Variants in GLMN observed in about 807,000 individuals in gnomAD.
GLMN encodes the protein glomulin.
GLMN carries 75 observed loss-of-function variants against 87.8 expected under a neutral mutation model. The observed-to-expected ratio is 0.85, with a 90% confidence interval of 0.71 to 1.04. The LOEUF (loss-of-function observed/expected upper bound fraction) is 1.04, where lower values mean the gene tolerates loss of function less well. GLMN is among the 50% of genes least tolerant of loss of function. The pLI is 0.00. For synonymous variants in GLMN, 206 were observed against 221.6 expected, an observed-to-expected ratio of 0.93 and a Z score of 0.63; for missense variants, 588 against 658.8, an observed-to-expected ratio of 0.89 and a Z score of 1.18.
chr1:92,300,322 C>G, upstream of GLMN: 1 of 1,095,344 alleles, frequency 9.1e-7, no homozygotes, highest in Non-Finnish European at 1.3e-6. Flanking sequence ...ATAATGGTTA[C>G]CTTTTTTTTT....
chr1:92,360,410 G>C, the GLMN span, among the ~76,000 whole-genome samples: 1 of 152,148 alleles, frequency 6.6e-6, no homozygotes, highest in Non-Finnish European at 1.5e-5. Flanking sequence ...AGCAAATGCC[G>C]ACTACTCTTT....
upstream of GLMN, chr1:92,299,226 C>A: frequency 3.4e-6 from 3 of 893,008 alleles, no homozygotes; most frequent in African/African-American, 1.7e-5. Flanking sequence ...AGCGCGCGGG[C>A]GCTCCTGAAA....
intron 9 of GLMN, among the ~76,000 whole-genome samples, chr1:92,269,206 T>C (rs1655978252): frequency 6.6e-6 from 1 of 151,870 alleles, no homozygotes; most frequent in African/African-American, 2.4e-5. Flanking sequence ...CTGGCTTTTT[T>C]TTTTTTTTTT....
At chr1:92,291,124 G>A (rs535217038) in intron 4 of GLMN, among the ~76,000 whole-genome samples, 6 of 152,266 alleles carry the variant, frequency 3.9e-5, no homozygotes, top group South Asian at 2.1e-4. Flanking sequence ...ACATCTATAC[G>A]ATAAGGCTAC....
chr1:92,269,303 G>A (rs1655987901), intron 9 of GLMN, among the ~76,000 whole-genome samples: 1 of 151,896 alleles, frequency 6.6e-6, no homozygotes, highest in Admixed American at 6.6e-5. Flanking sequence ...ATTATAAAAG[G>A]TGGAAGTCAA....
At chr1:92,250,519 C>T (rs953497711) in intron 16 of GLMN, among the ~76,000 whole-genome samples, 9 of 152,060 alleles carry the variant, frequency 5.9e-5, no homozygotes, top group East Asian at 1.9e-4. Flanking sequence ...CCCATTCACA[C>T]GGGGTAAAAG....
At chr1:92,298,835 G>A (rs1337867154) in intron 1 of GLMN, 90 bp downstream of exon 1, 1 of 393,014 alleles carries the variant, frequency 2.5e-6, no homozygotes, top group Non-Finnish European at 4.5e-6. Context: ...CACCTCGCGT[G>A]GCCTAGTCGG....
At chr1:92,248,694 A>G (rs1467427698) in intron 16 of GLMN, among the ~76,000 whole-genome samples, 1 of 152,214 alleles carries the variant, frequency 6.6e-6, no homozygotes, top group African/African-American at 2.4e-5. Context: ...TAACTAGAAT[A>G]ATGAACTACT....
intron 7 of GLMN, among the ~76,000 whole-genome samples, chr1:92,278,080 A>T (rs1647508124): frequency 6.6e-6 from 1 of 152,106 alleles, no homozygotes; most frequent in Non-Finnish European, 1.5e-5. Flanking sequence ...TCCGTTGTAC[A>T]ACTGCTTGCT....
At chr1:92,270,339 G>C (rs1570906388) in intron 8 of GLMN, among the ~76,000 whole-genome samples, 1 of 152,306 alleles carries the variant, frequency 6.6e-6, no homozygotes, top group Non-Finnish European at 1.5e-5. Flanking sequence ...GTCAGACAGA[G>C]CTATCTGCAT....
the GLMN span, among the ~76,000 whole-genome samples, chr1:92,365,997 A>G: frequency 7.9e-4 from 120 of 152,344 alleles, no homozygotes; most frequent in African/African-American, 2.7e-3. Flanking sequence ...AAAATTTAAC[A>G]AACTTGGAAA....
At chr1:92,285,355 AT>A (rs1351193149) in intron 7 of GLMN, among the ~76,000 whole-genome samples, 4 of 152,184 alleles carry the variant, frequency 2.6e-5, no homozygotes, top group Non-Finnish European at 4.4e-5. Flanking sequence ...TAAGCAAACT[AT>A]CACAAGAACA....
chr1:92,339,319 C>T, the GLMN span, among the ~76,000 whole-genome samples: 5 of 146,846 alleles, frequency 3.4e-5, no homozygotes, highest in Middle Eastern at 3.5e-3. Flanking sequence ...ACCCCACCCC[C>T]GCCCCCACAA....
At chr1:92,324,330 G>T in the GLMN span, 1 of 1,613,978 alleles carries the variant, frequency 6.2e-7, no homozygotes. Flanking sequence ...ACAGAGGACG[G>T]TATGTTTTGG....
In GLMN at chr1:92,268,097, C is replaced by T. The variant is rs1468548429; in HGVS notation, c.1008+8G>A. 2 of 1,462,078 alleles carry T rather than the reference C, an allele frequency of 1.4e-6. No individual in the cohort carries two copies. The highest frequency in any genetic ancestry group is 2.8e-5 in the African/African-American group (2 of 72,076). 90.6% of individuals were successfully genotyped at this position (1,462,078 alleles called of 1,614,324 possible). Reference sequence around the variant, plus strand: ...GTATTTAAGTTATAATGGGAACAAACATCTTACCAATCCTTTGGAGATAAC... The same window carrying T: ...GTATTTAAGTTATAATGGGAACAAATATCTTACCAATCCTTTGGAGATAAC... On this transcript the variant is annotated splice_region_variant and intron_variant, in intron 10 of 18. Coordinates refer to ENST00000370360, the MANE Select transcript of GLMN (RefSeq NM_053274.3).
At chr1:92,345,053 A>G in the GLMN span, among the ~76,000 whole-genome samples, 1 of 152,156 alleles carries the variant, frequency 6.6e-6, no homozygotes, top group African/African-American at 2.4e-5. Flanking sequence ...TTTTTTAAAA[A>G]CTGAACTTTT....
chr1:92,315,260 T>C, the GLMN span, among the ~76,000 whole-genome samples: 2 of 152,214 alleles, frequency 1.3e-5, no homozygotes, highest in Non-Finnish European at 2.9e-5. Flanking sequence ...AACAGCTGGT[T>C]GGTGGATCAG....
the GLMN span, among the ~76,000 whole-genome samples, chr1:92,343,609 C>G: frequency 2.0e-5 from 3 of 151,972 alleles, no homozygotes; most frequent in Non-Finnish European, 4.4e-5. Flanking sequence ...TTAAAGAAAA[C>G]ATTATAATTA....
At chr1:92,256,577 CT>C (rs1317764407) in intron 16 of GLMN, among the ~76,000 whole-genome samples, 1 of 152,190 alleles carries the variant, frequency 6.6e-6, no homozygotes, top group Non-Finnish European at 1.5e-5. Flanking sequence ...GGCTTCATCC[CT>C]GTGATTCAAG....
Sources: gnomAD v4.1 joint callset for allele counts (sites outside exome capture counted in the v4.1 genomes callset) on GRCh38, gnomAD v4.1.1 for gene constraint, MANE v1.5 for transcripts, NCBI Gene and HGNC (gene_info 2026-07-23, HGNC 2026-07-21) for gene names.